RPS19: variants seen among roughly 807,000 people sequenced by gnomAD.
RPS19 encodes the protein small ribosomal subunit protein eS19.
A neutral mutation model predicts 20.3 loss-of-function variants in RPS19; 1 was observed. The ratio of observed to expected loss-of-function variants is 0.05; its 90% confidence interval spans 0.02 to 0.23. The LOEUF (loss-of-function observed/expected upper bound fraction) is 0.23. Among genes scored for constraint, RPS19 ranks in the 10% least tolerant of loss-of-function variants. The pLI is 1.00. For missense variants in RPS19, 111 were observed against 192.7 expected, an observed-to-expected ratio of 0.58 and a Z score of 2.51; for synonymous variants, 87 against 74.8, an observed-to-expected ratio of 1.16 and a Z score of -0.84.
intron 3 of RPS19, among the ~76,000 whole-genome samples, chr19:41,865,051 T>G (rs1555840133): frequency 6.6e-6 from 1 of 152,194 alleles, no homozygotes; most frequent in East Asian, 1.9e-4. Context: ...CTGACCAAGG[T>G]TCTCCATGCC....
intron 5 of RPS19, 140 bp downstream of exon 5, chr19:41,869,893 C>G: frequency 1.2e-6 from 1 of 817,150 alleles, no homozygotes; most frequent in Non-Finnish European, 2.0e-6. Context: ...GGAGGGCTGC[C>G]CAGAGACAGG....
At chr19:41,861,874 C>T (rs959961017) in intron 3 of RPS19, among the ~76,000 whole-genome samples, 1 of 152,192 alleles carries the variant, frequency 6.6e-6, no homozygotes, top group African/African-American at 2.4e-5. Context: ...CGTCTCTTTT[C>T]AATCTTCCAA....
chr19:41,869,278 A>G (rs1042779614), intron 4 of RPS19, 64 bp downstream of exon 4: 9 of 1,447,618 alleles, frequency 6.2e-6, no homozygotes, highest in African/African-American at 5.6e-5. Context: ...CAATTCCCCA[A>G]CGAATGGTCC....
chr19:41,871,282 G>T (rs1225566530), intron 5 of RPS19, 69 bp from the exon 6 acceptor site: 3 of 1,401,250 alleles, frequency 2.1e-6, no homozygotes, highest in Non-Finnish European at 3.0e-6. Flanking sequence ...GGGTAGTTAG[G>T]TAGCTGTTAC....
intron 5 of RPS19, among the ~76,000 whole-genome samples, chr19:41,870,513 GT>G (rs1288067383): frequency 1.3e-5 from 2 of 152,148 alleles, no homozygotes; most frequent in Admixed American, 1.3e-4. Context: ...ACAGTCTCCT[GT>G]CTTGGCCTCC....
At chr19:41,867,604 G>T (rs929965107) in intron 3 of RPS19, among the ~76,000 whole-genome samples, 1 of 152,158 alleles carries the variant, frequency 6.6e-6, no homozygotes, top group Non-Finnish European at 1.5e-5. Context: ...GAGCCACTGC[G>T]CCCGGCCTGA....
At chr19:41,862,772 A>C (rs917978261) in intron 3 of RPS19, among the ~76,000 whole-genome samples, 1 of 152,052 alleles carries the variant, frequency 6.6e-6, no homozygotes, top group Non-Finnish European at 1.5e-5. Flanking sequence ...CCTGCCTGGA[A>C]ACCTCAAGCA....
rs2074149630 is a variant in RPS19, at chr19:41,871,521, A to G, written c.*144A>G. 1 of 730,914 alleles carries G rather than the reference A, an allele frequency of 1.4e-6. No individual in the cohort carries two copies. Among genetic ancestry groups the G allele is most frequent in the East Asian group, 2.8e-5 (1 of 35,882 alleles). The allele number at this position is 730,914 out of a possible 1,614,324, so 45.3% of individuals were successfully genotyped here. A position where few individuals can be genotyped will look rare whatever the true frequency, so the allele number is the denominator to read the frequency against. ...AATCTCCGCCTTCTGGGTTCAAATG[A>G]TTCTCCTGCCTCAGCCTCCCAAAGT... On this transcript the variant is annotated 3_prime_UTR_variant, in exon 6 of 6. Coordinates refer to ENST00000598742, the MANE Select transcript of RPS19 (RefSeq NM_001022.4).
At position 41,870,848 on chromosome 19, in the gene RPS19, CCTTTTTT is replaced by C. The variant is rs1303711012; in HGVS notation, c.412-502_412-496del. Among the ~76,000 whole-genome samples the C allele has an allele frequency of 2.0e-4, 17 of 85,808 alleles. 1 individual carries two copies. The highest frequency in any genetic ancestry group is 7.5e-4 in the African/African-American group (17 of 22,592). The allele number at this position is 85,808 out of a possible 152,430, so 56.3% of individuals were successfully genotyped here. ...TTGGACTCCACTCCGCCACTCCCTTCCTTTTTTTTTTTTTTTTTTTTTTTTTTTTTTT... is the reference window on the plus strand; with the variant it reads ...TTGGACTCCACTCCGCCACTCCCTTCTTTTTTTTTTTTTTTTTTTTTTTTT... On this transcript the variant is annotated intron_variant, in intron 5 of 5. Coordinates refer to ENST00000598742, the MANE Select transcript of RPS19 (RefSeq NM_001022.4).
At chr19:41,860,895 C>T (rs370843400) in intron 2 of RPS19, 50 bp downstream of exon 2, 22 of 1,500,822 alleles carry the variant, frequency 1.5e-5, no homozygotes, top group East Asian at 2.3e-5. Context: ...TCGCCTTGGC[C>T]TGCCCATCTG....
chr19:41,860,973 G>A lies in RPS19; in HGVS notation c.71+128G>A, dbSNP rs1555839109. The A allele has an allele frequency of 3.6e-6, 4 of 1,112,758 alleles. No individual in the cohort carries two copies. The East Asian group carries it at 9.4e-5, about 26-fold the overall frequency. The allele number at this position is 1,112,758 out of a possible 1,614,324, so 68.9% of individuals were successfully genotyped here. ...GGGCCTCCGTGGCTCCTTTCAGCGT[G>A]AGGCCTGGCTTGTGTTCCGGTTCCA... On this transcript the variant is annotated intron_variant, in intron 2 of 5. Transcript: ENST00000598742.
At chr19:41,861,835 A>G (rs1555839347) in intron 3 of RPS19, among the ~76,000 whole-genome samples, 1 of 152,186 alleles carries the variant, frequency 6.6e-6, no homozygotes, top group Non-Finnish European at 1.5e-5. Flanking sequence ...TTCTGATCTT[A>G]TGGACACCCT....
chr19:41,870,881 G>A (rs1319104066), intron 5 of RPS19, among the ~76,000 whole-genome samples: 1 of 49,110 alleles, frequency 2.0e-5, no homozygotes, highest in African/African-American at 9.3e-5. Context: ...TTTTTTTTTT[G>A]AGACAGAGTC....
At chr19:41,861,022 A>G (rs2074024983) in intron 2 of RPS19, 90 bp from the exon 3 acceptor site, 3 of 1,146,142 alleles carry the variant, frequency 2.6e-6, no homozygotes, top group Non-Finnish European at 4.0e-6. Context: ...CTCTGGGCAC[A>G]GCATAGTTGT....
rs558600602 is a variant in RPS19 at position 41,872,462 on chromosome 19, T to C, written c.*1085T>C. On this transcript the variant is annotated 3_prime_UTR_variant, in exon 6 of 6. Coordinates refer to ENST00000598742, the MANE Select transcript of RPS19 (RefSeq NM_001022.4). Reference sequence around the variant, plus strand: ...TAATCCCACGTAACCCTGTGCACCTTATCCTCTGAGCCTTCGTCTCCTCGT... The same window carrying C: ...TAATCCCACGTAACCCTGTGCACCTCATCCTCTGAGCCTTCGTCTCCTCGT... 3 of 152,410 alleles carry C rather than the reference T, an allele frequency of 2.0e-5. No individual in the cohort carries two copies. Among genetic ancestry groups the C allele is most frequent in the Non-Finnish European group, 4.4e-5 (3 of 68,050 alleles). 9.4% of individuals were successfully genotyped at this position (152,410 alleles called of 1,614,324 possible). A position where few individuals can be genotyped will look rare whatever the true frequency, so the allele number is the denominator to read the frequency against.
intron 3 of RPS19, among the ~76,000 whole-genome samples, 161 bp from the exon 4 acceptor site, chr19:41,868,870 G>C (rs1160828840): frequency 7.2e-5 from 11 of 152,166 alleles, no homozygotes; most frequent in Admixed American, 6.5e-5. Context: ...AGCTAGCCGG[G>C]GGGGTGGGTG....
chr19:41,860,382 G>T (rs1202006436), intron 1 of RPS19, 93 bp downstream of exon 1: 1 of 163,382 alleles, frequency 6.1e-6, no homozygotes, highest in Non-Finnish European at 1.3e-5. Context: ...GAGGCGCCCG[G>T]CGCGGGCCCG....
At chr19:41,860,726 CAGT>C (rs1344687673) in intron 1 of RPS19, 46 bp from the exon 2 acceptor site, 6 of 1,377,782 alleles carry the variant, frequency 4.4e-6, no homozygotes, top group Non-Finnish European at 5.2e-6. Context: ...GTGCTCTTGG[CAGT>C]CGTCTCTGCC....
intron 2 of RPS19, 78 bp downstream of exon 2, chr19:41,860,923 G>A (rs375052674): frequency 7.3e-7 from 1 of 1,362,832 alleles, no homozygotes; most frequent in Non-Finnish European, 1.0e-6. Flanking sequence ...GTGTTTGCCG[G>A]TCCCTGGCAG....
Sources: gnomAD v4.1 joint callset for allele counts (sites outside exome capture counted in the v4.1 genomes callset) on GRCh38, gnomAD v4.1.1 for gene constraint, MANE v1.5 for transcripts, NCBI Gene and HGNC (gene_info 2026-07-23, HGNC 2026-07-21) for gene names.